DDAH1: variants seen among roughly 807,000 people sequenced by gnomAD.
DDAH1 encodes N(G),N(G)-dimethylarginine dimethylaminohydrolase 1.
In DDAH1, 19 loss-of-function variants were observed where a neutral mutation model predicts 28.8. That is an observed-to-expected ratio of 0.66 (90% confidence interval 0.46 to 0.97). DDAH1 has a LOEUF of 0.97. Ranked by LOEUF, DDAH1 falls within the 50% of genes least tolerant of loss-of-function variation. The pLI is 0.00. For missense variants in DDAH1, 326 were observed against 375.9 expected, an observed-to-expected ratio of 0.87 and a Z score of 1.10; for synonymous variants, 153 against 154.4, an observed-to-expected ratio of 0.99 and a Z score of 0.07.
chr1:85,571,787 C>CTTTT (rs58835610), intron 1 of DDAH1, among the ~76,000 whole-genome samples: 140 of 85,414 alleles, frequency 1.6e-3, no homozygotes, highest in Non-Finnish European at 1.8e-3. Context: ...TGTTTATAAG[C>CTTTT]TTTTTTTTTT....
At chr1:85,509,296 C>T (rs1239772977) in intron 1 of DDAH1, among the ~76,000 whole-genome samples, 2 of 152,158 alleles carry the variant, frequency 1.3e-5, no homozygotes, top group East Asian at 3.9e-4. Flanking sequence ...GGAATAGCAT[C>T]AACATCAACA....
chr1:85,329,433 T>C (rs12048263), intron 4 of DDAH1, among the ~76,000 whole-genome samples: 2,609 of 152,316 alleles, frequency 0.017, 68 homozygotes, highest in East Asian at 0.12. Flanking sequence ...TCTTCATTCT[T>C]TAATGCTTCT....
chr1:85,496,123 TTTAC>T (rs1656586666), intron 2 of DDAH1: 1 of 487,604 alleles, frequency 2.1e-6, no homozygotes, highest in Admixed American at 6.4e-5. Flanking sequence ...ATCAAATGTG[TTTAC>T]TTTTAGCTGT....
intron 1 of DDAH1, among the ~76,000 whole-genome samples, chr1:85,430,312 T>C (rs946805712): frequency 6.6e-6 from 1 of 152,216 alleles, no homozygotes; most frequent in East Asian, 1.9e-4. Flanking sequence ...CCTTGTGGTA[T>C]AGTTTGAAGT....
chr1:85,404,342 A>G, intron 1 of DDAH1: 1 of 1,530,260 alleles, frequency 6.5e-7, no homozygotes, highest in South Asian at 1.2e-5. Context: ...CTGAAAGACC[A>G]CATTCTAGAA....
intron 5 of DDAH1, among the ~76,000 whole-genome samples, chr1:85,323,942 C>A (rs942687882): frequency 2.1e-5 from 3 of 141,238 alleles, no homozygotes; most frequent in African/African-American, 8.1e-5. Context: ...GCACTCCAGA[C>A]TTGGCAACAG....
chr1:85,405,468 A>C (rs1045459554), intron 1 of DDAH1, among the ~76,000 whole-genome samples: 2 of 152,194 alleles, frequency 1.3e-5, no homozygotes, highest in Admixed American at 6.5e-5. Flanking sequence ...CAGGACGCTT[A>C]AGCATGTAAA....
At chr1:85,490,008 A>C (rs1656334252) in intron 2 of DDAH1, among the ~76,000 whole-genome samples, 1 of 152,172 alleles carries the variant, frequency 6.6e-6, no homozygotes, top group Admixed American at 6.5e-5. Context: ...ATCTCATTTG[A>C]TACTGTTTCA....
intron 1 of DDAH1, among the ~76,000 whole-genome samples, chr1:85,397,880 C>T (rs1376957306): frequency 1.3e-5 from 2 of 152,164 alleles, no homozygotes; most frequent in African/African-American, 4.8e-5. Context: ...TACTGACTCC[C>T]CTAGCCTCCT....
chr1:85,480,772 ATAAT>A (rs1028382990), intron 2 of DDAH1, among the ~76,000 whole-genome samples: 7 of 151,946 alleles, frequency 4.6e-5, no homozygotes, highest in African/African-American at 1.2e-4. Context: ...TAATTAATTA[ATAAT>A]TAAATTAAAA....
intron 1 of DDAH1, among the ~76,000 whole-genome samples, chr1:85,456,140 A>T (rs1436747161): frequency 6.6e-6 from 1 of 152,108 alleles, no homozygotes; most frequent in Non-Finnish European, 1.5e-5. Flanking sequence ...TATCACTGCA[A>T]AAATCAAAAC....
chr1:85,324,592 TC>T, intron 5 of DDAH1, 147 bp downstream of exon 5: 1 of 876,926 alleles, frequency 1.1e-6, no homozygotes, highest in Non-Finnish European at 1.7e-6. Flanking sequence ...AAACACATTT[TC>T]CTTGTGCCCT....
chr1:85,542,890 T>C (rs1037865631), intron 1 of DDAH1, among the ~76,000 whole-genome samples: 2 of 152,196 alleles, frequency 1.3e-5, no homozygotes, highest in African/African-American at 2.4e-5. Flanking sequence ...TTGTACAATA[T>C]TATGTTTCCT....
At chr1:85,404,021 T>C (rs1652281359) in intron 1 of DDAH1, among the ~76,000 whole-genome samples, 2 of 152,294 alleles carry the variant, frequency 1.3e-5, no homozygotes, top group African/African-American at 4.8e-5. Context: ...ATATCTTAAA[T>C]CACAACTATA....
intron 1 of DDAH1, among the ~76,000 whole-genome samples, chr1:85,453,316 T>A (rs1345725086): frequency 6.6e-6 from 1 of 152,176 alleles, no homozygotes; most frequent in Admixed American, 6.5e-5. Context: ...AGCTCAGTGC[T>A]CACAAAGAAA....
intron 1 of DDAH1, among the ~76,000 whole-genome samples, chr1:85,432,628 C>T (rs565944715): frequency 2.0e-5 from 3 of 152,168 alleles, no homozygotes; most frequent in Admixed American, 6.6e-5. Context: ...AATATTATTG[C>T]AAACCAAAGA....
chr1:85,337,353 T>TA (rs1234134169), intron 4 of DDAH1, among the ~76,000 whole-genome samples: 2 of 152,212 alleles, frequency 1.3e-5, no homozygotes, highest in African/African-American at 4.8e-5. Context: ...TATGAAAAGT[T>TA]AAAGTTCTGT....
At chr1:85,324,718 G>A in intron 5 of DDAH1, 22 bp downstream of exon 5, 1 of 1,613,970 alleles carries the variant, frequency 6.2e-7, no homozygotes, top group Non-Finnish European at 8.5e-7. Context: ...AGCTGCAGTG[G>A]TCAGAAGGGA....
intron 1 of DDAH1, among the ~76,000 whole-genome samples, chr1:85,390,172 T>C (rs11161607): frequency 0.3 from 45,704 of 152,084 alleles, 7,636 homozygotes; most frequent in South Asian, 0.4. Flanking sequence ...TCCCACCTCT[T>C]CTCTACCTTA....
Sources: allele counts gnomAD v4.1 joint callset (sites outside exome capture counted in the v4.1 genomes callset), GRCh38; gene constraint gnomAD v4.1.1; transcripts MANE v1.5; gene names NCBI Gene and HGNC (gene_info 2026-07-23, HGNC 2026-07-21).